ASAP2: variants seen among roughly 807,000 people sequenced by gnomAD.
ASAP2 encodes arf-GAP with SH3 domain, ANK repeat and PH domain-containing protein 2.
A neutral mutation model predicts 131.4 loss-of-function variants in ASAP2; 45 were observed. That is an observed-to-expected ratio of 0.34 (90% CI 0.27 to 0.44). The LOEUF (loss-of-function observed/expected upper bound fraction) is 0.44, where lower values mean the gene tolerates loss of function less well. ASAP2 is among the 20% of genes least tolerant of loss of function. The probability of loss-of-function intolerance (pLI) is 1.00; values close to 1 mark genes in which losing one functional copy is unlikely to be tolerated. For missense variants in ASAP2, 1,011 were observed against 1,297.0 expected (o/e 0.78, Z 3.39); for synonymous variants, 510 against 503.0 (o/e 1.01, Z -0.19).
chr2:9,272,453 T>G (rs1415534326), intron 1 of ASAP2, among the ~76,000 whole-genome samples: 1 of 152,266 alleles, frequency 6.6e-6, no homozygotes, highest in Non-Finnish European at 1.5e-5. Flanking sequence ...ATATTTTGGT[T>G]ATTAATTCCT....
intron 1 of ASAP2, among the ~76,000 whole-genome samples, chr2:9,228,971 G>T (rs1662963178): frequency 6.6e-6 from 1 of 152,132 alleles, no homozygotes; most frequent in African/African-American, 2.4e-5. Context: ...GGAAGATCCG[G>T]TATCTCAGGA....
rs369512597 is a variant in ASAP2 at position 9,401,476 on chromosome 2, G to A, written c.2946+80G>A. The A allele has an allele frequency of 3.0e-5, 46 of 1,541,018 alleles. No individual in the cohort carries two copies. The African/African-American group carries it at 3.0e-4, about 10-fold the overall frequency. On this transcript the variant is annotated intron_variant, in intron 27 of 27. Transcript: ENST00000281419. ...ACCTGGCTGGAGAGACGGGCTTGCA[G>A]GTGAGGTTTTCTCAGCCTGAGCAGT...
chr2:9,280,846 G>T (rs1667086986), intron 2 of ASAP2, among the ~76,000 whole-genome samples: 1 of 152,216 alleles, frequency 6.6e-6, no homozygotes, highest in Non-Finnish European at 1.5e-5. Context: ...TGTGCTTTCT[G>T]TACATTGTGC....
Position 9,404,158 on chromosome 2 carries a change from T to A in ASAP2, c.*831T>A, listed in dbSNP as rs372168675. 1 of 152,258 alleles carries A rather than the reference T, an allele frequency of 6.6e-6. No individual in the cohort carries two copies. Among genetic ancestry groups the A allele is most frequent in the African/African-American group, 2.4e-5 (1 of 41,470 alleles). The allele number at this position is 152,258 out of a possible 1,614,324, so 9.4% of individuals were successfully genotyped here. On this transcript the variant is annotated 3_prime_UTR_variant, in exon 28 of 28. Transcript: ENST00000281419. ...TCACACAGAAAGCAACTGTACACAGTAGAATTCTGTGGCGCAGACCATGCT... is the reference window on the plus strand; with the variant it reads ...TCACACAGAAAGCAACTGTACACAGAAGAATTCTGTGGCGCAGACCATGCT...
Position 9,258,195 on chromosome 2 carries a change from C to T in ASAP2, c.127-21122C>T, listed in dbSNP as rs1302309163. On this transcript the variant is annotated intron_variant, in intron 1 of 27. Coordinates refer to ENST00000281419, the MANE Select transcript of ASAP2 (RefSeq NM_003887.3). Reference sequence around the variant, plus strand: ...TTCTTCATTAAAAATTACCTTTGGCCAGGTGTGGGGGCTCACGCCTGGCTG... The same window carrying T: ...TTCTTCATTAAAAATTACCTTTGGCTAGGTGTGGGGGCTCACGCCTGGCTG... 2.7e-5 allele frequency among the ~76,000 whole-genome samples: 4 copies of T among 149,276 alleles called. No homozygotes were observed. The South Asian group carries it at 8.4e-4, about 31-fold the overall frequency.
At chr2:9,362,678 A>G (rs1358347398) in intron 15 of ASAP2, among the ~76,000 whole-genome samples, 3 of 151,984 alleles carry the variant, frequency 2.0e-5, no homozygotes, top group Non-Finnish European at 4.4e-5. Context: ...CATCTCTACA[A>G]ATAATTTTTT....
intron 16 of ASAP2, among the ~76,000 whole-genome samples, chr2:9,369,722 G>A (rs1233212567): frequency 6.6e-6 from 1 of 152,220 alleles, no homozygotes; most frequent in East Asian, 1.9e-4. Context: ...ATTTTCTGTG[G>A]AATAAGCCTG....
chr2:9,305,588 T>TTGG (rs1303602265), intron 3 of ASAP2, among the ~76,000 whole-genome samples: 64 of 121,384 alleles, frequency 5.3e-4, no homozygotes, highest in South Asian at 8.6e-4. Flanking sequence ...GGTATAGATA[T>TTGG]TGGAGGGTCT....
chr2:9,384,241 C>T (rs1003568503), intron 20 of ASAP2, among the ~76,000 whole-genome samples: 3 of 152,236 alleles, frequency 2.0e-5, no homozygotes, highest in Admixed American at 6.5e-5. Flanking sequence ...TTCAAACTTA[C>T]ACCACAAACT....
At chr2:9,319,236 A>G (rs888250126) in intron 4 of ASAP2, among the ~76,000 whole-genome samples, 3 of 152,236 alleles carry the variant, frequency 2.0e-5, no homozygotes, top group African/African-American at 7.2e-5. Context: ...CAGCCCTGAC[A>G]GACGTGCACC....
intron 19 of ASAP2, 74 bp downstream of exon 19, chr2:9,379,133 T>G: frequency 9.1e-7 from 1 of 1,101,102 alleles, no homozygotes; most frequent in Non-Finnish European, 1.2e-6. Flanking sequence ...ATCCAAGCGC[T>G]GCTCTTGGAA....
At chr2:9,252,653 C>T (rs553334821) in intron 1 of ASAP2, among the ~76,000 whole-genome samples, 29 of 151,468 alleles carry the variant, frequency 1.9e-4, no homozygotes, top group African/African-American at 6.3e-4. Flanking sequence ...CAGTGGCTCA[C>T]GCCTGTAATC....
chr2:9,250,731 T>A (rs536548384), intron 1 of ASAP2, among the ~76,000 whole-genome samples: 7 of 152,064 alleles, frequency 4.6e-5, no homozygotes, highest in African/African-American at 1.7e-4. Flanking sequence ...GGAGCGGAGG[T>A]GTCTCAGCCC....
chr2:9,379,131 G>A (rs886900577), intron 19 of ASAP2, 72 bp downstream of exon 19: 13 of 1,133,656 alleles, frequency 1.1e-5, no homozygotes, highest in Non-Finnish European at 5.9e-6. Context: ...CCATCCAAGC[G>A]CTGCTCTTGG....
intron 1 of ASAP2, among the ~76,000 whole-genome samples, chr2:9,272,903 C>T (rs1283069331): frequency 6.6e-6 from 1 of 152,054 alleles, no homozygotes; most frequent in Non-Finnish European, 1.5e-5. Context: ...TTCCATTAGT[C>T]TATGTGTCTG....
intron 1 of ASAP2, among the ~76,000 whole-genome samples, chr2:9,264,905 G>A (rs1665838100): frequency 6.6e-6 from 1 of 152,196 alleles, no homozygotes; most frequent in South Asian, 2.1e-4. Context: ...TTGGGAGGCT[G>A]AGACAGGGGA....
intron 9 of ASAP2, among the ~76,000 whole-genome samples, chr2:9,344,251 C>G (rs866784233): frequency 6.6e-6 from 1 of 152,074 alleles, no homozygotes; most frequent in East Asian, 1.9e-4. Context: ...GGTTAAGGCT[C>G]GTAATGAAAT....
intron 9 of ASAP2, among the ~76,000 whole-genome samples, chr2:9,342,060 A>G (rs953084865): frequency 6.6e-6 from 1 of 152,158 alleles, no homozygotes; most frequent in Admixed American, 6.5e-5. Context: ...ATGGGTTGGA[A>G]GACTTATTGT....
chr2:9,216,062 C>G (rs1482449119), intron 1 of ASAP2, among the ~76,000 whole-genome samples: 1 of 152,138 alleles, frequency 6.6e-6, no homozygotes, highest in African/African-American at 2.4e-5. Context: ...CTATTTGTGC[C>G]TTTCTTGTTT....
Sources: allele counts gnomAD v4.1 joint callset (sites outside exome capture counted in the v4.1 genomes callset), GRCh38; gene constraint gnomAD v4.1.1; transcripts MANE v1.5; gene names NCBI Gene and HGNC (gene_info 2026-07-23, HGNC 2026-07-21).